Variants in CDKN1A observed in about 807,000 individuals in gnomAD.
The protein encoded by CDKN1A is cyclin-dependent kinase inhibitor 1.
A neutral mutation model predicts 14.8 loss-of-function variants in CDKN1A; 14 were observed. That is an observed-to-expected ratio of 0.94 (90% CI 0.62 to 1.48). CDKN1A has a LOEUF of 1.48. Among genes scored for constraint, CDKN1A ranks in the 40% most tolerant of loss-of-function variants. CDKN1A has a pLI of 0.00. For synonymous variants in CDKN1A, 92 were observed against 93.5 expected, an observed-to-expected ratio of 0.98 and a Z score of 0.09; for missense variants, 203 against 231.7, an observed-to-expected ratio of 0.88 and a Z score of 0.80.
intron 1 of CDKN1A, among the ~76,000 whole-genome samples, chr6:36,679,318 G>A (rs1582564041): frequency 6.6e-6 from 1 of 152,244 alleles, no homozygotes; most frequent in African/African-American, 2.4e-5. Context: ...CCAGGTCCCA[G>A]GTTCAGGTCC....
chr6:36,678,829 C>G lies in CDKN1A; in HGVS notation c.-6+31C>G. On this transcript the variant is annotated intron_variant, in intron 1 of 2. Transcript: ENST00000244741. This position sits in a 1 kb window ranked among gnomAD's most constrained non-coding sequence, Gnocchi z 5.7. ...AGAGCGGCGGCAGACAACAGGGGACCCCGGGCCGGCGGCCCAGAGCCGAGC... is the reference window on the plus strand; with the variant it reads ...AGAGCGGCGGCAGACAACAGGGGACGCCGGGCCGGCGGCCCAGAGCCGAGC... The G allele has an allele frequency of 1.0e-6, 1 of 985,798 alleles. No individual in the cohort carries two copies. Among genetic ancestry groups the G allele is most frequent in the South Asian group, 4.7e-5 (1 of 21,304 alleles). 61.1% of individuals were successfully genotyped at this position (985,798 alleles called of 1,614,324 possible). A position where few individuals can be genotyped will look rare whatever the true frequency, so the allele number is the denominator to read the frequency against.
upstream of CDKN1A, chr6:36,678,243 CAG>C (rs1425162136): frequency 8.9e-6 from 2 of 225,636 alleles, no homozygotes; most frequent in Non-Finnish European, 1.8e-5. This position sits in a 1 kb window ranked among gnomAD's most constrained non-coding sequence, Gnocchi z 5.7. Context: ...CTGGAAATTG[CAG>C]AGAGGTGCAT....
upstream of CDKN1A, chr6:36,678,630 G>T: frequency 1.0e-6 from 1 of 983,378 alleles, no homozygotes; most frequent in Non-Finnish European, 1.2e-6. The surrounding 1 kb of genome is among the most constrained non-coding windows in gnomAD (Gnocchi z 5.7). Context: ...GGGCGGCGCG[G>T]TGGGCCGAGC....
At position 36,684,562 on chromosome 6, in the gene CDKN1A, C is replaced by T. The variant is rs3176352; in HGVS notation, c.445+16C>T. On this transcript the variant is annotated intron_variant, in intron 2 of 2. Transcript: ENST00000244741. This position sits in a 1 kb window ranked among gnomAD's most constrained non-coding sequence, Gnocchi z 6.0. ...AGCATGACAGGTGCGGACATGTGCACGGAAGGACTTTGTAAGGGACCAGGA... is the reference window on the plus strand; with the variant it reads ...AGCATGACAGGTGCGGACATGTGCATGGAAGGACTTTGTAAGGGACCAGGA... 69 of 1,611,498 alleles carry T rather than the reference C, an allele frequency of 4.3e-5. No individual in the cohort carries two copies. Among genetic ancestry groups the T allele is most frequent in the Non-Finnish European group, 5.3e-5 (63 of 1,178,236 alleles).
At chr6:36,678,531 C>T (rs963605056), upstream of CDKN1A, 23 of 362,786 alleles carry the variant, frequency 6.3e-5, no homozygotes, top group Non-Finnish European at 8.8e-5. This position sits in a 1 kb window ranked among gnomAD's most constrained non-coding sequence, Gnocchi z 5.7. Flanking sequence ...CGCGAGGTTC[C>T]GGGACCGGCT....
rs1762207420 is a variant in CDKN1A, at chr6:36,686,401, G to T, written c.*601G>T. On this transcript the variant is annotated 3_prime_UTR_variant, in exon 3 of 3. Coordinates refer to ENST00000244741, the MANE Select transcript of CDKN1A (RefSeq NM_000389.5). This position sits in a 1 kb window ranked among gnomAD's most constrained non-coding sequence, Gnocchi z 4.9. ...TGAGCTGGGGACCTGGTACCCTCCT[G>T]GCTCTTGATACCCCCCTCTGTCTTG... 2 of 241,574 alleles carry T rather than the reference G, an allele frequency of 8.3e-6. No individual in the cohort carries two copies. Among genetic ancestry groups the T allele is most frequent in the Non-Finnish European group, 1.6e-5 (2 of 122,912 alleles). The allele number at this position is 241,574 out of a possible 1,614,324, so 15.0% of individuals were successfully genotyped here. A position where few individuals can be genotyped will look rare whatever the true frequency, so the allele number is the denominator to read the frequency against.
In CDKN1A at chr6:36,686,081, C is replaced by T; in HGVS notation, c.*281C>T. ...CCTCCTCATCCCGTGTTCTCCTTTTCCTCTCTCCCGGAGGTTGGGTGGGCC... is the reference window on the plus strand; with the variant it reads ...CCTCCTCATCCCGTGTTCTCCTTTTTCTCTCTCCCGGAGGTTGGGTGGGCC... On this transcript the variant is annotated 3_prime_UTR_variant, in exon 3 of 3. Transcript: ENST00000244741. This position sits in a 1 kb window ranked among gnomAD's most constrained non-coding sequence, Gnocchi z 4.9. 1 of 510,498 alleles carries T rather than the reference C, an allele frequency of 2.0e-6. No individual in the cohort carries two copies. The highest frequency in any genetic ancestry group is 3.5e-6 in the Non-Finnish European group (1 of 282,688). The allele number at this position is 510,498 out of a possible 1,614,324, so 31.6% of individuals were successfully genotyped here. A position where few individuals can be genotyped will look rare whatever the true frequency, so the allele number is the denominator to read the frequency against.
In CDKN1A at chr6:36,684,074, C is replaced by A. The variant is rs571465815; in HGVS notation, c.-5-23C>A. Reference sequence around the variant, plus strand: ...TGTCTAATCTCCGCCGTGACCAGGGCCTTCCTTGTATCTCTGCTGCAGGCG... The same window carrying A: ...TGTCTAATCTCCGCCGTGACCAGGGACTTCCTTGTATCTCTGCTGCAGGCG... On this transcript the variant is annotated intron_variant, in intron 1 of 2. Transcript: ENST00000244741. This position sits in a 1 kb window ranked among gnomAD's most constrained non-coding sequence, Gnocchi z 6.0. 1 of 1,610,444 alleles carries A rather than the reference C, an allele frequency of 6.2e-7. No homozygotes were observed. The highest frequency in any genetic ancestry group is 1.1e-5 in the South Asian group (1 of 90,738).
At position 36,678,814 on chromosome 6, in the gene CDKN1A, C is replaced by T. The variant is rs1294070734; in HGVS notation, c.-6+16C>T. 2 of 985,642 alleles carry T rather than the reference C, an allele frequency of 2.0e-6. No individual in the cohort carries two copies. The highest frequency in any genetic ancestry group is 6.1e-5 in the Admixed American group (1 of 16,274). The allele number at this position is 985,642 out of a possible 1,614,324, so 61.1% of individuals were successfully genotyped here. On this transcript the variant is annotated intron_variant, in intron 1 of 2. Transcript: ENST00000244741. The surrounding 1 kb of genome is among the most constrained non-coding windows in gnomAD (Gnocchi z 5.7). ...CTCAGAGGAGGTGAGAGAGCGGCGG[C>T]AGACAACAGGGGACCCCGGGCCGGC...
Position 36,686,977 on chromosome 6 carries a change from C to T in CDKN1A, c.*1177C>T, listed in dbSNP as rs1762230694. ...TTTGATTAGCAGCGGAACAAGGAGT[C>T]AGACATTTTAAGATGGTGGCAGTAG... On this transcript the variant is annotated 3_prime_UTR_variant, in exon 3 of 3. Coordinates refer to ENST00000244741, the MANE Select transcript of CDKN1A (RefSeq NM_000389.5). The surrounding 1 kb of genome is among the most constrained non-coding windows in gnomAD (Gnocchi z 4.9). The T allele has an allele frequency of 4.3e-6, 1 of 233,648 alleles. No homozygotes were observed. Among genetic ancestry groups the T allele is most frequent in the African/African-American group, 2.2e-5 (1 of 45,340 alleles). 14.5% of individuals were successfully genotyped at this position (233,648 alleles called of 1,614,324 possible).
intron 1 of CDKN1A, chr6:36,679,087 C>G: frequency 1.4e-6 from 1 of 735,726 alleles, no homozygotes. Context: ...CTCCCCGCCC[C>G]TGGAAACCCA....
upstream of CDKN1A, among the ~76,000 whole-genome samples, chr6:36,677,333 A>G (rs1761727805): frequency 6.6e-6 from 1 of 152,206 alleles, no homozygotes; most frequent in Admixed American, 6.5e-5. Flanking sequence ...CGTTAGAGGA[A>G]GAAGACTGGG....
intron 1 of CDKN1A, among the ~76,000 whole-genome samples, chr6:36,681,334 T>TCTTTTTC (rs1554185368): frequency 1.2e-5 from 1 of 86,058 alleles, no homozygotes; most frequent in African/African-American, 4.3e-5. Context: ...CTTTCTTTCT[T>TCTTTTTC]TTTCTTTCTT....
intron 1 of CDKN1A, among the ~76,000 whole-genome samples, chr6:36,681,352 TTTTCTTTCTTTTC>T (rs1562038260): frequency 2.2e-5 from 2 of 90,584 alleles, no homozygotes; most frequent in Non-Finnish European, 4.4e-5. Flanking sequence ...CTTTCTTTCT[TTTTCTTTCTTTTC>T]TTTCTTTCTT....
At chr6:36,678,661 G>A, upstream of CDKN1A, 8 of 985,344 alleles carry the variant, frequency 8.1e-6, no homozygotes, top group Non-Finnish European at 9.6e-6. The surrounding 1 kb of genome is among the most constrained non-coding windows in gnomAD (Gnocchi z 5.7). Flanking sequence ...CCTCCTTGAG[G>A]CGGGCCCGGG....
At chr6:36,677,840 T>G, upstream of CDKN1A, 1 of 1,362,590 alleles carries the variant, frequency 7.3e-7, no homozygotes, top group Non-Finnish European at 9.7e-7. Context: ...ACGGGCTATG[T>G]GGGGAGTATT....
chr6:36,685,827 G>A lies in CDKN1A; in HGVS notation c.*27G>A, dbSNP rs1475096701. On this transcript the variant is annotated 3_prime_UTR_variant, in exon 3 of 3. Transcript: ENST00000244741. ...CCGCCCACAGGAAGCCTGCAGTCCT[G>A]GAAGCGCGAGGGCCTCAAAGGCCCG... The A allele has an allele frequency of 1.9e-6, 3 of 1,606,602 alleles. No homozygotes were observed. The highest frequency in any genetic ancestry group is 1.3e-5 in the African/African-American group (1 of 74,748).
upstream of CDKN1A, chr6:36,677,567 A>C (rs1761736036): frequency 5.6e-6 from 2 of 354,428 alleles, no homozygotes; most frequent in Admixed American, 4.1e-5. Flanking sequence ...GCGGATAGAC[A>C]CATCACTCAT....
At position 36,684,681 on chromosome 6, in the gene CDKN1A, T is replaced by C; in HGVS notation, c.445+135T>C. 1.2e-6 allele frequency: 1 copy of C among 808,472 alleles called. No individual in the cohort carries two copies. Among genetic ancestry groups the C allele is most frequent in the Non-Finnish European group, 2.1e-6 (1 of 485,618 alleles). The allele number at this position is 808,472 out of a possible 1,614,324, so 50.1% of individuals were successfully genotyped here. On this transcript the variant is annotated intron_variant, in intron 2 of 2. Coordinates refer to ENST00000244741, the MANE Select transcript of CDKN1A (RefSeq NM_000389.5). The surrounding 1 kb of genome is among the most constrained non-coding windows in gnomAD (Gnocchi z 6.0). ...ACAGGCCCAGAGAGGGGAAGCAACCTCCCTGAGGTCACACAGCAAGTAGGC... is the reference window on the plus strand; with the variant it reads ...ACAGGCCCAGAGAGGGGAAGCAACCCCCCTGAGGTCACACAGCAAGTAGGC...
Sources: gnomAD v4.1 joint callset for allele counts (sites outside exome capture counted in the v4.1 genomes callset) on GRCh38, gnomAD v4.1.1 for gene constraint, Gnocchi (gnomAD v3.1) non-coding constraint, MANE v1.5 for transcripts, NCBI Gene and HGNC (gene_info 2026-07-23, HGNC 2026-07-21) for gene names.